Variants in GABBR2 observed in about 807,000 individuals in gnomAD.
GABBR2 encodes gamma-aminobutyric acid type B receptor subunit 2.
In GABBR2, 23 loss-of-function variants were observed where a neutral mutation model predicts 105.6. The ratio of observed to expected loss-of-function variants is 0.22; its 90% confidence interval spans 0.16 to 0.31. GABBR2 has a LOEUF of 0.31. Ranked by LOEUF, GABBR2 falls within the 10% of genes least tolerant of loss-of-function variation. The pLI is 1.00. For synonymous variants in GABBR2, 478 were observed against 499.7 expected (o/e 0.96, Z 0.58); for missense variants, 734 against 1,245.5 (o/e 0.59, Z 6.18).
chr9:98,340,085 C>T (rs975948378), intron 13 of GABBR2, among the ~76,000 whole-genome samples: 15 of 152,054 alleles, frequency 9.9e-5, no homozygotes, highest in Middle Eastern at 3.4e-3. Context: ...AGCTGTGTCC[C>T]GGGGTAGGAC....
intron 3 of GABBR2, among the ~76,000 whole-genome samples, chr9:98,511,998 G>GA (rs1201399336): frequency 6.6e-6 from 1 of 152,058 alleles, no homozygotes; most frequent in Non-Finnish European, 1.5e-5. Context: ...CATCGATGCA[G>GA]AAATCCTCAA....
At chr9:98,475,253 G>A (rs572786723) in intron 5 of GABBR2, among the ~76,000 whole-genome samples, 5 of 151,618 alleles carry the variant, frequency 3.3e-5, no homozygotes, top group African/African-American at 4.8e-5. Flanking sequence ...GAAAACTCTC[G>A]TATTTTAATT....
At chr9:98,385,610 T>C in intron 11 of GABBR2, 30 bp downstream of exon 11, 1 of 1,601,044 alleles carries the variant, frequency 6.2e-7, no homozygotes, top group Non-Finnish European at 8.6e-7. Context: ...CTTTCTATCA[T>C]ATACCACTGG....
Position 98,708,472 on chromosome 9 carries a change from C to G in GABBR2, c.266G>C (p.Arg89Pro). ...GTAGGGGCGCAGGAGTGACTCGTTG[C>G]GGATCTGCTCGATGGCCAGTTCCAC... ...PAVELAIEQI[R>P]NESLLRPYFL... Residue 89 changes from arginine to proline, a missense_variant, in exon 1 of 19, where the codon CGC becomes CCC. This residue lies in a region of GABBR2 where 370 missense variants were observed against 648.9 expected (regional missense o/e 0.57). Coordinates refer to ENST00000259455, the MANE Select transcript of GABBR2 (RefSeq NM_005458.8). 2 of 1,582,054 alleles carry G rather than the reference C, an allele frequency of 1.3e-6. No individual in the cohort carries two copies. The highest frequency in any genetic ancestry group is 1.3e-5 in the African/African-American group (1 of 74,134).
At chr9:98,455,045 T>C (rs1184774484) in intron 6 of GABBR2, among the ~76,000 whole-genome samples, 2 of 152,188 alleles carry the variant, frequency 1.3e-5, no homozygotes, top group Non-Finnish European at 2.9e-5. Context: ...TCTTAGAGCA[T>C]GTGACCCAGG....
At chr9:98,573,044 C>T (rs1434254327) in intron 2 of GABBR2, among the ~76,000 whole-genome samples, 1 of 152,288 alleles carries the variant, frequency 6.6e-6, no homozygotes, top group South Asian at 2.1e-4. Flanking sequence ...CCCTCCCTGC[C>T]CTACAGTCAG....
chr9:98,645,699 G>A (rs780223867), intron 1 of GABBR2, among the ~76,000 whole-genome samples: 1 of 152,154 alleles, frequency 6.6e-6, no homozygotes. Flanking sequence ...ATTAACAGGA[G>A]TACAGTTCCT....
At chr9:98,316,619 T>G (rs1830723242) in intron 13 of GABBR2, among the ~76,000 whole-genome samples, 1 of 152,116 alleles carries the variant, frequency 6.6e-6, no homozygotes, top group Non-Finnish European at 1.5e-5. Context: ...TCCTCATGGC[T>G]CTCCCATTCC....
intron 1 of GABBR2, among the ~76,000 whole-genome samples, chr9:98,668,617 C>T (rs1053560870): frequency 2.6e-5 from 4 of 152,172 alleles, no homozygotes; most frequent in Admixed American, 2.0e-4. Flanking sequence ...CCATCCATCT[C>T]TACAACTTTT....
intron 4 of GABBR2, among the ~76,000 whole-genome samples, chr9:98,490,646 A>G (rs915349083): frequency 2.0e-5 from 3 of 152,240 alleles, no homozygotes; most frequent in Non-Finnish European, 4.4e-5. Flanking sequence ...TGGTTGAAAT[A>G]ATGTACCACA....
chr9:98,495,057 C>G (rs1827251039), intron 4 of GABBR2, among the ~76,000 whole-genome samples: 1 of 152,250 alleles, frequency 6.6e-6, no homozygotes. Context: ...CCTGAATCCT[C>G]CAGGCCCAAC....
At chr9:98,534,686 C>T (rs1219712594) in intron 3 of GABBR2, among the ~76,000 whole-genome samples, 1 of 152,240 alleles carries the variant, frequency 6.6e-6, no homozygotes, top group African/African-American at 2.4e-5. Context: ...TACCACTGCA[C>T]ATCTATTAGA....
intron 4 of GABBR2, among the ~76,000 whole-genome samples, chr9:98,495,740 G>T (rs1827264694): frequency 6.6e-6 from 1 of 152,126 alleles, no homozygotes; most frequent in South Asian, 2.1e-4. Flanking sequence ...AACCTTGTCT[G>T]AGCACTCTCC....
chr9:98,556,578 T>G (rs1038912364), intron 2 of GABBR2, among the ~76,000 whole-genome samples: 1 of 151,778 alleles, frequency 6.6e-6, no homozygotes, highest in East Asian at 1.9e-4. Context: ...GGGGCTGGGG[T>G]TGCGCATGGG....
chr9:98,634,981 C>G (rs1459086198), intron 1 of GABBR2, among the ~76,000 whole-genome samples: 2 of 152,158 alleles, frequency 1.3e-5, no homozygotes, highest in African/African-American at 2.4e-5. Context: ...TCTCTGTAAT[C>G]CCTAGCTTCC....
chr9:98,574,833 C>T (rs980912175), intron 2 of GABBR2, among the ~76,000 whole-genome samples: 29 of 152,168 alleles, frequency 1.9e-4, no homozygotes, highest in Admixed American at 6.5e-5. Flanking sequence ...CCAAGTGACA[C>T]TGAGAATCAG....
At chr9:98,457,448 A>C (rs564105841) in intron 6 of GABBR2, among the ~76,000 whole-genome samples, 30 of 152,194 alleles carry the variant, frequency 2.0e-4, no homozygotes, top group Admixed American at 4.6e-4. Flanking sequence ...TTTGTGGGAC[A>C]CTAAGGGGAT....
At chr9:98,562,891 G>A (rs567387929) in intron 2 of GABBR2, among the ~76,000 whole-genome samples, 50 of 151,784 alleles carry the variant, frequency 3.3e-4, no homozygotes, top group Middle Eastern at 3.4e-3. Flanking sequence ...GCAACATGAC[G>A]AAACTCCATC....
intron 3 of GABBR2, among the ~76,000 whole-genome samples, chr9:98,506,225 CTT>C (rs1827507151): frequency 6.6e-6 from 1 of 152,168 alleles, no homozygotes; most frequent in Non-Finnish European, 1.5e-5. Context: ...GCATCACTGA[CTT>C]TGAGTTGACT....
Sources: gnomAD v4.1 joint callset for allele counts (sites outside exome capture counted in the v4.1 genomes callset) on GRCh38, gnomAD v4.1.1 for gene constraint, gnomAD v4.1.1 regional missense constraint, MANE v1.5 for transcripts, NCBI Gene and HGNC (gene_info 2026-07-23, HGNC 2026-07-21) for gene names.